CLEC16A: variants seen among roughly 807,000 people sequenced by gnomAD.
The protein encoded by CLEC16A is C-type lectin domain containing 16A, also known as protein CLEC16A.
Under a neutral mutation model 109.5 loss-of-function variants are expected in CLEC16A, and 51 were observed. That is an observed-to-expected ratio of 0.47 (90% CI 0.37 to 0.59). The LOEUF (loss-of-function observed/expected upper bound fraction) is 0.59, where lower values mean the gene tolerates loss of function less well. Ranked by LOEUF, CLEC16A falls within the 20% of genes least tolerant of loss-of-function variation. The pLI is 0.00. For synonymous variants in CLEC16A, 673 were observed against 564.2 expected (o/e 1.19, Z -2.73); for missense variants, 1,339 against 1,394.0 (o/e 0.96, Z 0.63).
intron 20 of CLEC16A, among the ~76,000 whole-genome samples, chr16:11,122,317 C>T (rs1334674080): frequency 1.3e-5 from 2 of 152,184 alleles, no homozygotes; most frequent in African/African-American, 2.4e-5. Context: ...TTAAAAGAAA[C>T]ACTCCATGTA....
At chr16:11,010,299 A>T (rs2045321076) in intron 11 of CLEC16A, among the ~76,000 whole-genome samples, 1 of 151,874 alleles carries the variant, frequency 6.6e-6, no homozygotes, top group South Asian at 2.1e-4. Context: ...TCTCCCTTTC[A>T]TCTCCCTTTC....
At chr16:11,062,234 G>C (rs996584843) in intron 19 of CLEC16A, among the ~76,000 whole-genome samples, 4 of 152,160 alleles carry the variant, frequency 2.6e-5, no homozygotes, top group South Asian at 2.1e-4. Context: ...AGGGATGGTG[G>C]CTGGGTGGGC....
rs533841603 is a variant in CLEC16A, at chr16:11,166,446, G to A, written c.2700G>A (p.Ser900=). 13 of 1,607,066 alleles carry A rather than the reference G, an allele frequency of 8.1e-6. No homozygotes were observed. The highest frequency in any genetic ancestry group is 1.6e-4 in the Middle Eastern group (1 of 6,062). The change falls in exon 23 of 24, where the codon TCG becomes TCA. Residue 900 remains serine, a synonymous_variant. Coordinates refer to ENST00000409790, the MANE Select transcript of CLEC16A (RefSeq NM_015226.3). ...GCTCCCCGTCCCTGTCCTCACAGTC[G>A]CCACCCTCCGCCAGCGGGAGCCCCA... ...QHSSPSLSSQ[S]PPSASGSPSG...
At position 11,006,025 on chromosome 16, in the gene CLEC16A, A is replaced by C. The variant is rs146363195; in HGVS notation, c.1303+2720A>C. On this transcript the variant is annotated intron_variant, in intron 11 of 23. Coordinates refer to ENST00000409790, the MANE Select transcript of CLEC16A (RefSeq NM_015226.3). Reference sequence around the variant, plus strand: ...TGCGATTGCAAGATTTAGAAATCCAACTCAGACTGGCTTAAGCAAAGAGGG... The same window carrying C: ...TGCGATTGCAAGATTTAGAAATCCACCTCAGACTGGCTTAAGCAAAGAGGG... 1.3e-4 allele frequency among the ~76,000 whole-genome samples: 20 copies of C among 152,218 alleles called. No homozygotes were observed. The East Asian group carries it at 3.1e-3, about 23-fold the overall frequency.
chr16:11,168,933 G>A (rs114735048), intron 23 of CLEC16A, among the ~76,000 whole-genome samples: 1 of 152,172 alleles, frequency 6.6e-6, no homozygotes, highest in Admixed American at 6.5e-5. Flanking sequence ...TGCGTGGCTC[G>A]CTCACCCAAC....
intron 11 of CLEC16A, among the ~76,000 whole-genome samples, chr16:11,011,778 T>C (rs2045431839): frequency 6.6e-6 from 1 of 152,132 alleles, no homozygotes; most frequent in Non-Finnish European, 1.5e-5. Context: ...ACACACGTAT[T>C]TTAGAAATCA....
rs866778603 is a variant in CLEC16A, at chr16:11,039,276, A to G, written c.1538-478A>G. ...GATCAGGTCTTGGGCCACCATGAGT[A>G]GGCAGTCAAAAGTCATTGGCTAGCA... On this transcript the variant is annotated intron_variant, in intron 13 of 23. Coordinates refer to ENST00000409790, the MANE Select transcript of CLEC16A (RefSeq NM_015226.3). Among the ~76,000 whole-genome samples, 11 of 152,216 alleles carry G rather than the reference A, an allele frequency of 7.2e-5. 1 individual carries two copies. Among genetic ancestry groups the G allele is most frequent in the South Asian group, 4.1e-4 (2 of 4,834 alleles).
At chr16:11,043,577 T>C (rs1056485174) in intron 15 of CLEC16A, among the ~76,000 whole-genome samples, 1 of 152,052 alleles carries the variant, frequency 6.6e-6, no homozygotes, top group Non-Finnish European at 1.5e-5. Context: ...TAAGAACTAT[T>C]TTATAGGCCA....
intron 7 of CLEC16A, among the ~76,000 whole-genome samples, chr16:10,973,592 A>C (rs1478550678): frequency 6.6e-6 from 1 of 151,958 alleles, no homozygotes; most frequent in Non-Finnish European, 1.5e-5. Flanking sequence ...TTTTTGAGAC[A>C]GAGTATTGCT....
At chr16:11,007,630 C>G (rs1208211721) in intron 11 of CLEC16A, among the ~76,000 whole-genome samples, 2 of 152,196 alleles carry the variant, frequency 1.3e-5, no homozygotes, top group Non-Finnish European at 2.9e-5. Context: ...TTCTACGAAC[C>G]CTGGCCAAGG....
chr16:10,951,453 T>C (rs988651444), intron 1 of CLEC16A, among the ~76,000 whole-genome samples: 2 of 152,230 alleles, frequency 1.3e-5, no homozygotes, highest in African/African-American at 2.4e-5. Context: ...CCAATAAAAT[T>C]GTTGCTTACT....
chr16:11,002,650 A>T (rs939291207), intron 10 of CLEC16A, among the ~76,000 whole-genome samples: 1 of 151,720 alleles, frequency 6.6e-6, no homozygotes, highest in African/African-American at 2.4e-5. Context: ...CACCCCCTCC[A>T]AGTCCACCAC....
chr16:11,007,408 G>A (rs1423881390), intron 11 of CLEC16A, among the ~76,000 whole-genome samples: 1 of 152,192 alleles, frequency 6.6e-6, no homozygotes, highest in Non-Finnish European at 1.5e-5. Context: ...CCCAGGCCTG[G>A]CAGTGTCTTG....
chr16:11,104,211 C>T (rs1216822264), intron 19 of CLEC16A, among the ~76,000 whole-genome samples: 3 of 152,120 alleles, frequency 2.0e-5, no homozygotes. Context: ...TGGGCTCAAG[C>T]AGTCCTCCTG....
chr16:10,985,757 G>A (rs1204452179), intron 10 of CLEC16A, among the ~76,000 whole-genome samples: 3 of 140,550 alleles, frequency 2.1e-5, no homozygotes, highest in South Asian at 2.3e-4. Flanking sequence ...AGTCTCTGTC[G>A]CCCAGGCTGG....
At chr16:11,060,816 T>A in intron 18 of CLEC16A, 86 bp from the exon 19 acceptor site, 1 of 1,327,808 alleles carries the variant, frequency 7.5e-7, no homozygotes, top group Non-Finnish European at 1.0e-6. Flanking sequence ...TAATAGAGAG[T>A]CATGGTGTCA....
chr16:10,952,735 C>G (rs1352413686), intron 1 of CLEC16A, among the ~76,000 whole-genome samples: 1 of 152,104 alleles, frequency 6.6e-6, no homozygotes, highest in Non-Finnish European at 1.5e-5. Context: ...AAGGTGTAAC[C>G]CTCATTGAGC....
At chr16:11,098,423 GT>G (rs1309592781) in intron 19 of CLEC16A, among the ~76,000 whole-genome samples, 1 of 152,224 alleles carries the variant, frequency 6.6e-6, no homozygotes, top group Non-Finnish European at 1.5e-5. Context: ...CCTGTTTAGT[GT>G]TGCTGCTGAG....
chr16:11,043,894 A>C lies in CLEC16A; in HGVS notation c.1771-134A>C, dbSNP rs115525284. ...ATCTCAAGAAAAGGGAAAAAAAAAA[A>C]ACACCATTTTATACATTAAGGATAT... On this transcript the variant is annotated intron_variant, in intron 15 of 23. Coordinates refer to ENST00000409790, the MANE Select transcript of CLEC16A (RefSeq NM_015226.3). 2.8e-3 allele frequency: 1,637 copies of C among 578,850 alleles called. 27 individuals are homozygous for C. The highest frequency in any genetic ancestry group is 0.028 in the African/African-American group (1,459 of 52,062). 35.9% of individuals were successfully genotyped at this position (578,850 alleles called of 1,614,324 possible).
Sources: gnomAD v4.1 joint callset for allele counts (sites outside exome capture counted in the v4.1 genomes callset) on GRCh38, gnomAD v4.1.1 for gene constraint, MANE v1.5 for transcripts, NCBI Gene and HGNC (gene_info 2026-07-23, HGNC 2026-07-21) for gene names.